The following GAN variants were observed in gnomAD, a reference collection of about 807,000 sequenced individuals.
The protein encoded by GAN is gigaxonin.
GAN carries 48 observed loss-of-function variants against 71.3 expected under a neutral mutation model. That is an observed-to-expected ratio of 0.67 (90% confidence interval 0.53 to 0.86). The LOEUF (loss-of-function observed/expected upper bound fraction) is 0.86. Ranked by LOEUF, GAN falls within the 40% of genes least tolerant of loss-of-function variation. The probability of loss-of-function intolerance (pLI) is 0.00; values close to 1 mark genes in which losing one functional copy is unlikely to be tolerated. For synonymous variants in GAN, 386 were observed against 276.8 expected, an observed-to-expected ratio of 1.39 and a Z score of -3.92; for missense variants, 928 against 770.1, an observed-to-expected ratio of 1.21 and a Z score of -2.43.
intron 9 of GAN, among the ~76,000 whole-genome samples, chr16:81,373,402 C>T (rs1028810581): frequency 6.6e-6 from 1 of 152,188 alleles, no homozygotes; most frequent in Admixed American, 6.5e-5. Flanking sequence ...ATTATTATTA[C>T]ATAGCAGGGT....
intron 9 of GAN, among the ~76,000 whole-genome samples, chr16:81,374,394 C>G (rs1025621731): frequency 2.0e-5 from 3 of 152,182 alleles, no homozygotes; most frequent in Admixed American, 2.0e-4. Context: ...CTGAAACTGT[C>G]AAGCACTCAT....
intron 6 of GAN, among the ~76,000 whole-genome samples, 184 bp from the exon 7 acceptor site, chr16:81,363,610 C>G (rs551729873): frequency 4.5e-4 from 69 of 152,276 alleles, no homozygotes; most frequent in African/African-American, 1.6e-3. Context: ...TCCCAGGTAC[C>G]AAGCGTCGTA....
At chr16:81,371,329 C>A (rs1055993201) in intron 9 of GAN, among the ~76,000 whole-genome samples, 1 of 152,122 alleles carries the variant, frequency 6.6e-6, no homozygotes, top group African/African-American at 2.4e-5. Flanking sequence ...TTGTTTGCTC[C>A]CTTGAGAAAT....
rs61096092 is a variant in GAN at position 81,378,846 on chromosome 16, T to C, written c.*1250T>C. On this transcript the variant is annotated 3_prime_UTR_variant, in exon 11 of 11. Coordinates refer to ENST00000648994, the MANE Select transcript of GAN (RefSeq NM_022041.4). ...CAACCCACTTTACCCCACTTCTCAT[T>C]GGGGGAAAAATGTCTTTCGTTCGTG... 2 of 152,684 alleles carry C rather than the reference T, an allele frequency of 1.3e-5. No homozygotes were observed. Among genetic ancestry groups the C allele is most frequent in the South Asian group, 4.1e-4 (2 of 4,828 alleles). 9.5% of individuals were successfully genotyped at this position (152,684 alleles called of 1,614,324 possible).
chr16:81,378,080 A>C lies in GAN; in HGVS notation c.*484A>C. On this transcript the variant is annotated 3_prime_UTR_variant, in exon 11 of 11. Coordinates refer to ENST00000648994, the MANE Select transcript of GAN (RefSeq NM_022041.4). ...ATATTATGCCTAACCCTGCCCAACA[A>C]ATTAAGGTTTGTGCCTAAAATGTTA... 5.3e-6 allele frequency: 1 copy of C among 190,264 alleles called. No homozygotes were observed. Among genetic ancestry groups the C allele is most frequent in the East Asian group, 1.2e-4 (1 of 8,230 alleles). The allele number at this position is 190,264 out of a possible 1,614,324, so 11.8% of individuals were successfully genotyped here.
At chr16:81,367,361 A>G (rs1445935412) in intron 9 of GAN, among the ~76,000 whole-genome samples, 2 of 151,918 alleles carry the variant, frequency 1.3e-5, no homozygotes, top group East Asian at 1.9e-4. Flanking sequence ...TGTCTCTACT[A>G]AAAGTACAAA....
At chr16:81,358,247 C>T (rs1476703206) in intron 5 of GAN, among the ~76,000 whole-genome samples, 2 of 152,144 alleles carry the variant, frequency 1.3e-5, no homozygotes, top group Admixed American at 6.5e-5. Context: ...TGGAACACAG[C>T]GTTTCTTTGC....
rs1904311999 is a variant in GAN, at chr16:81,382,773, T to G, written c.*5177T>G. ...ATTGACTGCTAGGCATTTTCTATAT[T>G]TTTTGCAAGTTAGCTGGTAAAACTT... On this transcript the variant is annotated 3_prime_UTR_variant, in exon 11 of 11. Transcript: ENST00000648994. The G allele has an allele frequency of 6.6e-6, 1 of 152,176 alleles. No homozygotes were observed. Among genetic ancestry groups the G allele is most frequent in the African/African-American group, 2.4e-5 (1 of 41,446 alleles). The allele number at this position is 152,176 out of a possible 1,614,324, so 9.4% of individuals were successfully genotyped here. A position where few individuals can be genotyped will look rare whatever the true frequency, so the allele number is the denominator to read the frequency against.
At chr16:81,359,405 GT>G (rs71146005) in intron 5 of GAN, among the ~76,000 whole-genome samples, 159 of 125,104 alleles carry the variant, frequency 1.3e-3, no homozygotes, top group Non-Finnish European at 1.9e-3. Flanking sequence ...AGGCTGCATT[GT>G]TTTTTTTTTT....
chr16:81,348,728 G>T (rs1449540818), intron 1 of GAN, among the ~76,000 whole-genome samples: 1 of 152,222 alleles, frequency 6.6e-6, no homozygotes, highest in Non-Finnish European at 1.5e-5. Context: ...GAGCCCTATA[G>T]GTTAGACTTG....
chr16:81,335,106 C>T (rs1567483182), intron 1 of GAN, among the ~76,000 whole-genome samples: 1 of 123,736 alleles, frequency 8.1e-6, no homozygotes, highest in African/African-American at 3.2e-5. Flanking sequence ...GTTATTGGAG[C>T]AGAGAACTGG....
intron 3 of GAN, among the ~76,000 whole-genome samples, chr16:81,356,291 A>G (rs7203835): frequency 0.48 from 72,854 of 152,048 alleles, 17,854 homozygotes; most frequent in Middle Eastern, 0.57. Context: ...AATTACTGCA[A>G]AAATGATTAT....
chr16:81,356,659 C>G (rs1910494915), intron 3 of GAN, 126 bp from the exon 4 acceptor site: 1 of 775,806 alleles, frequency 1.3e-6, no homozygotes, highest in Non-Finnish European at 2.4e-6. Context: ...ACGAGTGTGT[C>G]TCACTTGCCT....
At chr16:81,344,366 CTT>C (rs950648988) in intron 1 of GAN, among the ~76,000 whole-genome samples, 2 of 152,198 alleles carry the variant, frequency 1.3e-5, no homozygotes, top group Non-Finnish European at 2.9e-5. Flanking sequence ...TGACTTCAAA[CTT>C]TACTACAAGG....
intron 9 of GAN, among the ~76,000 whole-genome samples, chr16:81,374,044 G>A (rs1161687782): frequency 6.6e-6 from 1 of 152,122 alleles, no homozygotes; most frequent in Admixed American, 6.6e-5. Flanking sequence ...CTCAGCAGGT[G>A]GTTCATTCTT....
chr16:81,325,994 G>A (rs185207402), intron 1 of GAN, among the ~76,000 whole-genome samples: 35 of 152,098 alleles, frequency 2.3e-4, no homozygotes, highest in Middle Eastern at 3.4e-3. Context: ...ATCCTTCAAG[G>A]CCTGGTTCAA....
chr16:81,387,506 C>G lies in GAN; in HGVS notation c.*9910C>G, dbSNP rs776030181. On this transcript the variant is annotated 3_prime_UTR_variant, in exon 11 of 11. Transcript: ENST00000648994. ...CGAGCCTCTGCCTGTGTGTCCTGAC[C>G]CCTCTTGCCTTGTTTTTGATCTGCT... The G allele has an allele frequency of 1.3e-5, 2 of 152,514 alleles. No individual in the cohort carries two copies. Among genetic ancestry groups the G allele is most frequent in the Non-Finnish European group, 2.9e-5 (2 of 68,344 alleles). 9.4% of individuals were successfully genotyped at this position (152,514 alleles called of 1,614,324 possible). A position where few individuals can be genotyped will look rare whatever the true frequency, so the allele number is the denominator to read the frequency against.
rs183116145 is a variant in GAN, at chr16:81,361,528, C to G, written c.974-971C>G. ...AGCCACGTTTTCTGTGGACCTGGAG[C>G]TTAAACTTCTGTCTTTTTCATCCCC... On this transcript the variant is annotated intron_variant, in intron 5 of 10. Transcript: ENST00000648994. Among the ~76,000 whole-genome samples the G allele has an allele frequency of 5.6e-3, 854 of 152,180 alleles. 9 individuals are homozygous for G. Among genetic ancestry groups the G allele is most frequent in the South Asian group, 0.031 (152 of 4,826 alleles).
intron 1 of GAN, among the ~76,000 whole-genome samples, chr16:81,331,339 A>C (rs967664956): frequency 2.0e-5 from 3 of 152,248 alleles, no homozygotes; most frequent in African/African-American, 7.2e-5. Flanking sequence ...AACTAACTGC[A>C]GGATGGGACT....
Sources: allele counts gnomAD v4.1 joint callset (sites outside exome capture counted in the v4.1 genomes callset), GRCh38; gene constraint gnomAD v4.1.1; transcripts MANE v1.5; gene names NCBI Gene and HGNC (gene_info 2026-07-23, HGNC 2026-07-21).